NCAM2: variants seen among roughly 807,000 people sequenced by gnomAD.
NCAM2 encodes the protein N-CAM-2.
A neutral mutation model predicts 98.1 loss-of-function variants in NCAM2; 30 were observed. The ratio of observed to expected loss-of-function variants is 0.31; its 90% confidence interval spans 0.23 to 0.41. The LOEUF is 0.41. Among genes scored for constraint, NCAM2 ranks in the 10% least tolerant of loss-of-function variants. NCAM2 has a pLI of 1.00. For synonymous variants in NCAM2, 368 were observed against 342.4 expected, an observed-to-expected ratio of 1.07 and a Z score of -0.83; for missense variants, 867 against 1,005.8, an observed-to-expected ratio of 0.86 and a Z score of 1.87.
intron 1 of NCAM2, among the ~76,000 whole-genome samples, chr21:21,266,950 C>T (rs1239050202): frequency 6.6e-6 from 1 of 152,070 alleles, no homozygotes; most frequent in Non-Finnish European, 1.5e-5. Flanking sequence ...CACAGGTAAA[C>T]TTGTGTCATA....
chr21:21,487,332 G>C (rs1303378328), intron 15 of NCAM2, among the ~76,000 whole-genome samples: 2 of 151,896 alleles, frequency 1.3e-5, no homozygotes, highest in African/African-American at 4.8e-5. Context: ...TGTGATTACT[G>C]GTAAGCAAGA....
intron 1 of NCAM2, among the ~76,000 whole-genome samples, chr21:21,132,408 A>G (rs562591009): frequency 6.7e-6 from 1 of 150,224 alleles, no homozygotes; most frequent in Admixed American, 6.6e-5. Flanking sequence ...TTTTTTTCAT[A>G]TAATTCAACA....
chr21:21,029,847 GT>G (rs1338344233), intron 1 of NCAM2, among the ~76,000 whole-genome samples: 8 of 151,934 alleles, frequency 5.3e-5, no homozygotes, highest in African/African-American at 1.9e-4. Context: ...GGCCAGGATG[GT>G]CTCAATCTCC....
intron 5 of NCAM2, among the ~76,000 whole-genome samples, chr21:21,322,452 A>C (rs1194913388): frequency 1.3e-5 from 2 of 152,182 alleles, no homozygotes; most frequent in Non-Finnish European, 2.9e-5. Flanking sequence ...CTGAATCCAA[A>C]AAAAGAAAAC....
chr21:21,365,369 A>T (rs535245192), intron 8 of NCAM2, among the ~76,000 whole-genome samples: 2 of 151,896 alleles, frequency 1.3e-5, no homozygotes, highest in East Asian at 3.9e-4. Flanking sequence ...GTTGTTCCCA[A>T]CTCACCTAAC....
At chr21:21,392,257 T>G (rs2076397354) in intron 9 of NCAM2, among the ~76,000 whole-genome samples, 1 of 152,208 alleles carries the variant, frequency 6.6e-6, no homozygotes, top group African/African-American at 2.4e-5. Flanking sequence ...CAGATCCATC[T>G]ATGTCCCTGC....
intron 1 of NCAM2, among the ~76,000 whole-genome samples, chr21:21,025,398 G>A (rs1245793165): frequency 1.3e-5 from 2 of 152,090 alleles, no homozygotes; most frequent in Non-Finnish European, 2.9e-5. Flanking sequence ...TTTAAATGAT[G>A]TTCTATCTCC....
intron 1 of NCAM2, among the ~76,000 whole-genome samples, chr21:21,157,277 G>C (rs1321355866): frequency 6.6e-6 from 1 of 152,104 alleles, no homozygotes; most frequent in African/African-American, 2.4e-5. Context: ...TTCCACATTT[G>C]GTATAAAAAT....
chr21:21,208,197 C>T (rs1003694232), intron 1 of NCAM2, among the ~76,000 whole-genome samples: 2 of 152,102 alleles, frequency 1.3e-5, no homozygotes, highest in African/African-American at 4.8e-5. Flanking sequence ...GCTATAAATA[C>T]TTCCAAGGTA....
chr21:21,349,835 A>G (rs865792425), intron 8 of NCAM2, among the ~76,000 whole-genome samples: 2 of 152,198 alleles, frequency 1.3e-5, no homozygotes, highest in African/African-American at 4.8e-5. Context: ...GATAAACATC[A>G]CATGTTCTCA....
chr21:21,502,328 T>C (rs1341778505), intron 15 of NCAM2, among the ~76,000 whole-genome samples: 2 of 152,104 alleles, frequency 1.3e-5, no homozygotes, highest in African/African-American at 4.8e-5. Context: ...CTCTGCACTA[T>C]TTAAATGATT....
intron 1 of NCAM2, among the ~76,000 whole-genome samples, chr21:21,259,056 C>T (rs1360951681): frequency 6.6e-6 from 1 of 152,036 alleles, no homozygotes; most frequent in Non-Finnish European, 1.5e-5. Context: ...AGTGGTTCTC[C>T]CCCTGAGGGT....
rs962581405 is a variant in NCAM2, at chr21:21,027,909, T to C, written c.55+29291T>C. Among the ~76,000 whole-genome samples, 4 of 151,390 alleles carry C rather than the reference T, an allele frequency of 2.6e-5. 1 individual carries two copies. In the South Asian group the frequency reaches 8.4e-4, roughly 32 times the overall value. On this transcript the variant is annotated intron_variant, in intron 1 of 17. Coordinates refer to ENST00000400546, the MANE Select transcript of NCAM2 (RefSeq NM_004540.5). The stretch of plus-strand genomic sequence containing the variant: ...TTCTCTCTTGTTGCCCAGGCTGGAG[T>C]GCGGTGGCACGATCTCGGCTCGCTG...
intron 14 of NCAM2, among the ~76,000 whole-genome samples, chr21:21,476,110 C>A (rs1194791206): frequency 6.6e-6 from 1 of 152,016 alleles, no homozygotes; most frequent in Non-Finnish European, 1.5e-5. Flanking sequence ...CTCAAAGAAG[C>A]AGTGTTAAAT....
At chr21:21,374,621 C>T (rs1002174344) in intron 9 of NCAM2, among the ~76,000 whole-genome samples, 1 of 151,798 alleles carries the variant, frequency 6.6e-6, no homozygotes, top group Non-Finnish European at 1.5e-5. Context: ...CAAAACCCCT[C>T]TGGTCACTGC....
At chr21:21,405,502 T>C (rs1336666843) in intron 9 of NCAM2, among the ~76,000 whole-genome samples, 1 of 152,174 alleles carries the variant, frequency 6.6e-6, no homozygotes. Flanking sequence ...AAAAGTATAA[T>C]TTAAAAAGTG....
Position 21,436,769 on chromosome 21 carries a change from C to CTT in NCAM2, c.1654+4499_1654+4500dup, listed in dbSNP as rs199997405. 1.9e-3 allele frequency among the ~76,000 whole-genome samples: 261 copies of CTT among 138,050 alleles called. 4 individuals are homozygous for CTT. Among genetic ancestry groups the CTT allele is most frequent in the African/African-American group, 6.1e-3 (227 of 37,360 alleles). 90.6% of individuals were successfully genotyped at this position (138,050 alleles called of 152,430 possible). On this transcript the variant is annotated intron_variant, in intron 12 of 17. Transcript: ENST00000400546. ...TGTCTACAGAAGCAACTTTTTTTTT[C>CTT]TTTTTTTTTTTTGAGACAGAATCTT...
intron 11 of NCAM2, among the ~76,000 whole-genome samples, chr21:21,430,387 G>T (rs963633639): frequency 1.1e-5 from 1 of 92,202 alleles, no homozygotes; most frequent in Non-Finnish European, 2.6e-5. Flanking sequence ...ATATTTATCA[G>T]TCAAGTTTAT....
At chr21:21,266,268 A>G (rs1013505315) in intron 1 of NCAM2, among the ~76,000 whole-genome samples, 3 of 152,048 alleles carry the variant, frequency 2.0e-5, no homozygotes, top group African/African-American at 7.2e-5. Flanking sequence ...TCATTCAACT[A>G]ATTCAACTAC....
Sources: gnomAD v4.1 joint callset for allele counts (sites outside exome capture counted in the v4.1 genomes callset) on GRCh38, gnomAD v4.1.1 for gene constraint, MANE v1.5 for transcripts, NCBI Gene and HGNC (gene_info 2026-07-23, HGNC 2026-07-21) for gene names.